Variants in CDH18 observed in about 807,000 individuals in gnomAD.
CDH18 encodes the protein cadherin-18.
CDH18 carries 31 observed loss-of-function variants against 67.9 expected under a neutral mutation model. The ratio of observed to expected loss-of-function variants is 0.46; its 90% confidence interval spans 0.34 to 0.62. The LOEUF (loss-of-function observed/expected upper bound fraction) is 0.62, where lower values mean the gene tolerates loss of function less well. Ranked by LOEUF, CDH18 falls within the 20% of genes least tolerant of loss-of-function variation. The pLI, the probability that CDH18 is intolerant of heterozygous loss-of-function variation, is 0.01. For missense variants in CDH18, 890 were observed against 975.5 expected (o/e 0.91, Z 1.17); for synonymous variants, 362 against 347.2 (o/e 1.04, Z -0.48).
chr5:20,520,042 C>G (rs1755647359), intron 1 of CDH18, among the ~76,000 whole-genome samples: 1 of 131,182 alleles, frequency 7.6e-6, no homozygotes, highest in African/African-American at 2.8e-5. Flanking sequence ...GCTAGGTGAT[C>G]TGACCCCTCG....
intron 1 of CDH18, among the ~76,000 whole-genome samples, chr5:20,351,612 A>G (rs1223064450): frequency 6.6e-6 from 1 of 150,982 alleles, no homozygotes; most frequent in Non-Finnish European, 1.5e-5. Flanking sequence ...GGACCAGCTG[A>G]TGTAGGAAAA....
At chr5:20,322,993 G>A (rs2150009902) in intron 1 of CDH18, among the ~76,000 whole-genome samples, 1 of 152,096 alleles carries the variant, frequency 6.6e-6, no homozygotes, top group African/African-American at 2.4e-5. Context: ...AAAGAATATG[G>A]CATTAATGGA....
At position 20,208,794 on chromosome 5, in the gene CDH18, A is replaced by T. The variant is rs541190152; in HGVS notation, c.-518+46650T>A. Among the ~76,000 whole-genome samples, 311 of 152,158 alleles carry T rather than the reference A, an allele frequency of 2.0e-3. 1 individual carries two copies. The highest frequency in any genetic ancestry group is 7.0e-3 in the African/African-American group (290 of 41,562). ...AGAATGTGAAGAGACAACTCAGAAA[A>T]TGGGAAAAAATATACGCAAACTACT... On this transcript the variant is annotated intron_variant, in intron 2 of 14. Transcript: ENST00000507958.
rs548918325 is a variant in CDH18 at position 19,657,601 on chromosome 5, AT to A, written c.644-45001del. Among the ~76,000 whole-genome samples, 198 of 152,206 alleles carry A rather than the reference AT, an allele frequency of 1.3e-3. 1 individual carries two copies. The highest frequency in any genetic ancestry group is 4.6e-3 in the African/African-American group (191 of 41,554). On this transcript the variant is annotated intron_variant, in intron 5 of 12. Coordinates refer to ENST00000382275, the MANE Select transcript of CDH18 (RefSeq NM_004934.5). ...GGTCTCTGAAGTAATTTAAAGTTTCATTTTTTTAATTGTAAAATTGAAAACA... is the reference window on the plus strand; with the variant it reads ...GGTCTCTGAAGTAATTTAAAGTTTCATTTTTTAATTGTAAAATTGAAAACA...
intron 2 of CDH18, among the ~76,000 whole-genome samples, chr5:20,013,623 T>A (rs757040359): frequency 6.6e-5 from 10 of 152,074 alleles, no homozygotes; most frequent in East Asian, 1.9e-4. Flanking sequence ...AAAAAAATAG[T>A]TAAGTCTTCT....
chr5:20,011,254 T>A (rs1177450056), intron 2 of CDH18, among the ~76,000 whole-genome samples: 1 of 152,192 alleles, frequency 6.6e-6, no homozygotes, highest in African/African-American at 2.4e-5. Flanking sequence ...TTGTCTCGTT[T>A]TGACTGTCAC....
At chr5:19,507,811 C>T (rs993920971) in intron 10 of CDH18, among the ~76,000 whole-genome samples, 16 of 152,028 alleles carry the variant, frequency 1.1e-4, no homozygotes, top group African/African-American at 2.4e-4. Flanking sequence ...TGTTAAATGA[C>T]GAGTTAATAG....
At chr5:19,963,315 T>C (rs926091954) in intron 2 of CDH18, among the ~76,000 whole-genome samples, 4 of 152,128 alleles carry the variant, frequency 2.6e-5, no homozygotes, top group Non-Finnish European at 5.9e-5. Flanking sequence ...ATATGAAATA[T>C]GTATTATTCT....
chr5:19,599,974 A>G (rs1041125770), intron 6 of CDH18, among the ~76,000 whole-genome samples: 1 of 152,088 alleles, frequency 6.6e-6, no homozygotes. Flanking sequence ...CCATGTTTTC[A>G]GGGTGGGAGA....
At chr5:20,205,159 G>A (rs538214020) in intron 2 of CDH18, among the ~76,000 whole-genome samples, 25 of 151,966 alleles carry the variant, frequency 1.6e-4, no homozygotes, top group South Asian at 1.0e-3. Context: ...CTATAAATGC[G>A]TACATATACT....
chr5:19,729,488 T>G (rs1179149465), intron 4 of CDH18, among the ~76,000 whole-genome samples: 1 of 152,192 alleles, frequency 6.6e-6, no homozygotes, highest in Non-Finnish European at 1.5e-5. Context: ...TCTTGTTTAA[T>G]AGTTACAATA....
chr5:19,665,937 G>C (rs892134982), intron 5 of CDH18, among the ~76,000 whole-genome samples: 1 of 151,962 alleles, frequency 6.6e-6, no homozygotes, highest in Non-Finnish European at 1.5e-5. Context: ...TCATTGTATT[G>C]CTATGCAGGA....
At chr5:20,457,941 G>C (rs1388589567) in intron 1 of CDH18, among the ~76,000 whole-genome samples, 2 of 152,146 alleles carry the variant, frequency 1.3e-5, no homozygotes, top group Non-Finnish European at 2.9e-5. Flanking sequence ...GTAAAAGAGA[G>C]AATGAAATGT....
chr5:19,704,357 C>T (rs1206571153), intron 5 of CDH18, among the ~76,000 whole-genome samples: 1 of 152,170 alleles, frequency 6.6e-6, no homozygotes, highest in East Asian at 1.9e-4. Context: ...CTGTGAATGG[C>T]CTGATGGACA....
At chr5:19,866,643 C>A (rs569832709) in intron 2 of CDH18, among the ~76,000 whole-genome samples, 29 of 152,274 alleles carry the variant, frequency 1.9e-4, no homozygotes, top group Non-Finnish European at 3.1e-4. Flanking sequence ...GTAGGTCACT[C>A]ACATCTCAGT....
chr5:20,416,149 A>G (rs1331517000), intron 1 of CDH18, among the ~76,000 whole-genome samples: 1 of 152,168 alleles, frequency 6.6e-6, no homozygotes, highest in Non-Finnish European at 1.5e-5. Flanking sequence ...TTCTTTCTAC[A>G]ATAAAAATGA....
At chr5:19,606,029 G>A (rs902109968) in intron 6 of CDH18, among the ~76,000 whole-genome samples, 2 of 152,128 alleles carry the variant, frequency 1.3e-5, no homozygotes, top group African/African-American at 4.8e-5. Context: ...AGAGATTTCA[G>A]CAGCCATGAG....
chr5:20,287,659 T>C (rs891663166), intron 1 of CDH18, among the ~76,000 whole-genome samples: 4 of 151,794 alleles, frequency 2.6e-5, no homozygotes, highest in African/African-American at 9.7e-5. Context: ...CATTGAATCA[T>C]GATGAGCTGA....
intron 5 of CDH18, among the ~76,000 whole-genome samples, chr5:19,640,442 A>G (rs1753838244): frequency 6.6e-6 from 1 of 152,132 alleles, no homozygotes; most frequent in Non-Finnish European, 1.5e-5. Flanking sequence ...CAAAGATAAA[A>G]CCTATAATCA....
Sources: gnomAD v4.1 joint callset for allele counts (sites outside exome capture counted in the v4.1 genomes callset) on GRCh38, gnomAD v4.1.1 for gene constraint, MANE v1.5 for transcripts, NCBI Gene and HGNC (gene_info 2026-07-23, HGNC 2026-07-21) for gene names.